EYA4: variants seen among roughly 807,000 people sequenced by gnomAD.
EYA4 encodes protein phosphatase EYA4.
In EYA4, 31 loss-of-function variants were observed where a neutral mutation model predicts 87.9. The observed-to-expected ratio is 0.35, with a 90% CI of 0.27 to 0.48. The LOEUF (loss-of-function observed/expected upper bound fraction) is 0.48. Ranked by LOEUF, EYA4 falls within the 20% of genes least tolerant of loss-of-function variation. The pLI is 0.99. For missense variants in EYA4, 678 were observed against 761.4 expected (o/e 0.89, Z 1.29); for synonymous variants, 263 against 270.6 (o/e 0.97, Z 0.28).
intron 2 of EYA4, among the ~76,000 whole-genome samples, chr6:133,369,876 T>G (rs149961807): frequency 3.9e-5 from 6 of 152,330 alleles, no homozygotes; most frequent in African/African-American, 1.4e-4. Flanking sequence ...GTGGCTTCAT[T>G]AAAAGCACCT....
intron 19 of EYA4, chr6:133,525,877 T>C (rs1156411027): frequency 2.0e-6 from 2 of 984,832 alleles, no homozygotes; most frequent in Non-Finnish European, 2.4e-6. Context: ...CTCAGATCCT[T>C]TTGCACCAAC....
intron 13 of EYA4, among the ~76,000 whole-genome samples, chr6:133,491,898 G>T (rs1200934736): frequency 2.1e-5 from 3 of 144,356 alleles, no homozygotes; most frequent in African/African-American, 8.0e-5. Context: ...CTTGCAGTGA[G>T]CCGAGTTAGC....
At chr6:133,345,930 T>C (rs1783159790) in intron 2 of EYA4, among the ~76,000 whole-genome samples, 1 of 152,190 alleles carries the variant, frequency 6.6e-6, no homozygotes, top group East Asian at 1.9e-4. Flanking sequence ...TTCAGAGTTA[T>C]TTGAATGCTG....
chr6:133,492,245 A>G (rs999785473), intron 13 of EYA4, among the ~76,000 whole-genome samples: 2 of 152,242 alleles, frequency 1.3e-5, no homozygotes, highest in Non-Finnish European at 2.9e-5. Flanking sequence ...CAACACATTG[A>G]AAAGATAATT....
intron 2 of EYA4, among the ~76,000 whole-genome samples, chr6:133,340,886 C>T (rs561397058): frequency 4.9e-4 from 74 of 152,232 alleles, no homozygotes; most frequent in Admixed American, 6.5e-4. Flanking sequence ...GGCTGCTCAG[C>T]CTGTGCCACT....
At chr6:133,438,645 A>T (rs1043291661) in intron 3 of EYA4, among the ~76,000 whole-genome samples, 7 of 151,986 alleles carry the variant, frequency 4.6e-5, no homozygotes, top group Non-Finnish European at 7.4e-5. Context: ...TTTAGATGGT[A>T]AACTCCTTGA....
In EYA4 at chr6:133,525,194, C is replaced by G. The variant is rs775654933; in HGVS notation, c.1779C>G (p.Gly593=). The part of the protein sequence containing the change: ...SCFERIMQRF[G]RKVVYVVIGD... ...TTGAACGAATAATGCAAAGGTTTGG[C>G]AGAAAAGTAGTGTATGTTGTAATTG... Residue 593 remains glycine (G), a synonymous_variant, in exon 19 of 20, where the codon GGC becomes GGG. Transcript: ENST00000355286. 3.1e-6 allele frequency: 5 copies of G among 1,613,704 alleles called. No individual in the cohort carries two copies. Among genetic ancestry groups the G allele is most frequent in the Non-Finnish European group, 4.2e-6 (5 of 1,179,790 alleles).
At chr6:133,523,772 C>A (rs1694316136) in intron 18 of EYA4, among the ~76,000 whole-genome samples, 1 of 152,146 alleles carries the variant, frequency 6.6e-6, no homozygotes, top group Non-Finnish European at 1.5e-5. Context: ...TCGCAGACTC[C>A]AACTTCTAAT....
chr6:133,450,523 A>G (rs1488142267), intron 5 of EYA4, among the ~76,000 whole-genome samples: 3 of 152,172 alleles, frequency 2.0e-5, no homozygotes, highest in Admixed American at 2.0e-4. Context: ...TATTTATTTA[A>G]GATGGAGTCT....
At chr6:133,377,703 G>T (rs2128473139) in intron 2 of EYA4, among the ~76,000 whole-genome samples, 1 of 150,656 alleles carries the variant, frequency 6.6e-6, no homozygotes, top group Non-Finnish European at 1.5e-5. Context: ...GGTAAAAACT[G>T]GTTACTTCAG....
intron 3 of EYA4, among the ~76,000 whole-genome samples, chr6:133,434,673 C>T (rs959260864): frequency 2.0e-5 from 3 of 152,272 alleles, no homozygotes; most frequent in Non-Finnish European, 4.4e-5. Flanking sequence ...CATTTAATGT[C>T]CCTTCAGAAC....
At chr6:133,383,545 A>AT (rs1554243366) in intron 3 of EYA4, among the ~76,000 whole-genome samples, 23 of 149,506 alleles carry the variant, frequency 1.5e-4, no homozygotes, top group African/African-American at 5.4e-4. Context: ...AAAAAAAAAA[A>AT]TGTAATGGCC....
intron 3 of EYA4, among the ~76,000 whole-genome samples, chr6:133,428,911 C>CCTT (rs1790918398): frequency 2.1e-5 from 1 of 48,230 alleles, no homozygotes; most frequent in Non-Finnish European, 3.6e-5. Flanking sequence ...GATTTAGCTT[C>CCTT]TTTTTTTTTT....
At chr6:133,474,413 TGAG>T (rs1229890345) in intron 11 of EYA4, among the ~76,000 whole-genome samples, 10 of 152,116 alleles carry the variant, frequency 6.6e-5, no homozygotes, top group African/African-American at 2.4e-4. Context: ...GTAGATATTC[TGAG>T]TATGTGACTT....
chr6:133,289,136 A>G (rs1778290414), intron 2 of EYA4, among the ~76,000 whole-genome samples: 1 of 152,198 alleles, frequency 6.6e-6, no homozygotes, highest in Non-Finnish European at 1.5e-5. Flanking sequence ...ATAGACTTCA[A>G]GTTGTTGCAG....
intron 7 of EYA4, among the ~76,000 whole-genome samples, chr6:133,461,920 C>T (rs529361789): frequency 1.4e-5 from 2 of 147,904 alleles, no homozygotes; most frequent in South Asian, 4.3e-4. Flanking sequence ...CTTCCATAGT[C>T]TTTGCATAGC....
At chr6:133,299,882 T>TAC (rs910829304) in intron 2 of EYA4, among the ~76,000 whole-genome samples, 1 of 150,876 alleles carries the variant, frequency 6.6e-6, no homozygotes, top group Non-Finnish European at 1.5e-5. Context: ...TTTATATATA[T>TAC]ACACACACAC....
intron 3 of EYA4, among the ~76,000 whole-genome samples, chr6:133,415,533 T>C (rs1322974248): frequency 6.6e-6 from 1 of 152,184 alleles, no homozygotes; most frequent in Admixed American, 6.5e-5. Flanking sequence ...TTCCCTCTGG[T>C]ATCTGCATGA....
At chr6:133,286,076 T>G (rs17062266) in intron 2 of EYA4, among the ~76,000 whole-genome samples, 13,898 of 152,144 alleles carry the variant, frequency 0.091, 2,082 homozygotes, top group African/African-American at 0.31. Context: ...GTGATAATGT[T>G]GATCATTTTG....
Sources: allele counts gnomAD v4.1 joint callset (sites outside exome capture counted in the v4.1 genomes callset), GRCh38; gene constraint gnomAD v4.1.1; transcripts MANE v1.5; gene names NCBI Gene and HGNC (gene_info 2026-07-23, HGNC 2026-07-21).